Variants in SOX5 observed in about 807,000 individuals in gnomAD.
SOX5 encodes SRY-box transcription factor 5, also known as transcription factor SOX-5.
In SOX5, 9 loss-of-function variants were observed where a neutral mutation model predicts 92.0. The ratio of observed to expected loss-of-function variants is 0.10; its 90% CI spans 0.06 to 0.17. SOX5 has a LOEUF of 0.17. Among genes scored for constraint, SOX5 ranks in the 10% least tolerant of loss-of-function variants. SOX5 has a pLI of 1.00. For missense variants in SOX5, 642 were observed against 944.5 expected (o/e 0.68, Z 4.20); for synonymous variants, 344 against 336.3 (o/e 1.02, Z -0.25).
At chr12:24,021,754 T>C (rs1954318178) in intron 4 of SOX5, among the ~76,000 whole-genome samples, 1 of 152,166 alleles carries the variant, frequency 6.6e-6, no homozygotes, top group Non-Finnish European at 1.5e-5. Flanking sequence ...GTCAGAGAGA[T>C]GCTCATCATC....
intron 3 of SOX5, among the ~76,000 whole-genome samples, chr12:24,254,736 TA>T (rs60557497): frequency 6.6e-6 from 1 of 151,688 alleles, no homozygotes; most frequent in Non-Finnish European, 1.5e-5. Flanking sequence ...TATATATATA[TA>T]TTTCCTATGA....
chr12:24,296,785 A>G (rs1455393758), intron 2 of SOX5, among the ~76,000 whole-genome samples: 5 of 151,434 alleles, frequency 3.3e-5, no homozygotes, highest in Non-Finnish European at 5.9e-5. Flanking sequence ...GTTATCTAGA[A>G]AGCAAATCTG....
At chr12:24,243,555 A>G (rs1937921640) in intron 3 of SOX5, among the ~76,000 whole-genome samples, 1 of 152,194 alleles carries the variant, frequency 6.6e-6, no homozygotes, top group African/African-American at 2.4e-5. Context: ...TATTCTTTTC[A>G]TATAATCAGT....
intron 9 of SOX5, among the ~76,000 whole-genome samples, chr12:23,583,064 G>C (rs952189071): frequency 1.3e-5 from 2 of 151,932 alleles, no homozygotes; most frequent in Non-Finnish European, 2.9e-5. Flanking sequence ...GAATAGTTTG[G>C]CTTCTGAAAT....
chr12:24,455,498 A>G, intron 1 of SOX5, among the ~76,000 whole-genome samples: 1 of 152,246 alleles, frequency 6.6e-6, no homozygotes, highest in East Asian at 1.9e-4. Flanking sequence ...CAGCATAAAA[A>G]GTCTGTCCTT....
At chr12:24,467,858 G>T (rs912699932) in intron 1 of SOX5, among the ~76,000 whole-genome samples, 1 of 152,176 alleles carries the variant, frequency 6.6e-6, no homozygotes, top group Admixed American at 6.5e-5. Flanking sequence ...GCCATATGAA[G>T]CAACAGCATC....
chr12:23,800,346 C>T (rs971124416), intron 3 of SOX5, among the ~76,000 whole-genome samples: 2 of 151,996 alleles, frequency 1.3e-5, no homozygotes, highest in East Asian at 3.9e-4. Flanking sequence ...AAGGTTTGCA[C>T]AAAATTATGT....
intron 3 of SOX5, among the ~76,000 whole-genome samples, chr12:23,825,273 A>G (rs767866948): frequency 1.1e-4 from 16 of 152,174 alleles, no homozygotes; most frequent in Admixed American, 3.3e-4. Context: ...TGGGAAAAGC[A>G]TAGTATCTGG....
intron 2 of SOX5, among the ~76,000 whole-genome samples, chr12:24,330,894 A>G (rs1326797635): frequency 6.6e-6 from 1 of 152,238 alleles, no homozygotes; most frequent in East Asian, 1.9e-4. Context: ...TCAATGGACA[A>G]GAGATTTCAC....
chr12:23,648,975 C>T (rs546492268), intron 7 of SOX5, among the ~76,000 whole-genome samples: 19 of 151,990 alleles, frequency 1.3e-4, no homozygotes, highest in East Asian at 5.8e-4. Flanking sequence ...AATAGCGCTA[C>T]GCTATTTCAA....
At chr12:24,559,558 G>A (rs1954133863) in intron 1 of SOX5, among the ~76,000 whole-genome samples, 2 of 151,568 alleles carry the variant, frequency 1.3e-5, no homozygotes, top group South Asian at 4.2e-4. Flanking sequence ...CATACTGTAA[G>A]CATTAGATCA....
chr12:23,648,674 C>T (rs1427049175), intron 7 of SOX5, among the ~76,000 whole-genome samples: 1 of 152,064 alleles, frequency 6.6e-6, no homozygotes, highest in African/African-American at 2.4e-5. Context: ...TGCTGACACT[C>T]TGATCTCAGC....
chr12:23,964,959 A>C (rs1318118938), intron 4 of SOX5, among the ~76,000 whole-genome samples: 1 of 152,212 alleles, frequency 6.6e-6, no homozygotes, highest in Non-Finnish European at 1.5e-5. Flanking sequence ...GTAGGGGAGC[A>C]GACCTGGGCA....
At chr12:24,287,582 T>A (rs910064906) in intron 2 of SOX5, among the ~76,000 whole-genome samples, 7 of 140,110 alleles carry the variant, frequency 5.0e-5, no homozygotes, top group Non-Finnish European at 1.1e-4. Flanking sequence ...AAAACAGTGA[T>A]TCTCAAATCC....
intron 4 of SOX5, among the ~76,000 whole-genome samples, chr12:23,983,275 C>T (rs1318585257): frequency 2.6e-5 from 4 of 152,188 alleles, no homozygotes; most frequent in Non-Finnish European, 5.9e-5. Flanking sequence ...CACCTGCTTC[C>T]CTCTGAATGT....
intron 1 of SOX5, among the ~76,000 whole-genome samples, chr12:24,380,730 T>C (rs1957741491): frequency 1.3e-5 from 2 of 152,170 alleles, no homozygotes; most frequent in South Asian, 4.2e-4. Context: ...GAGTTCTTGA[T>C]ATATTTTTTT....
At chr12:23,929,255 G>A (rs971067541) in intron 1 of SOX5, among the ~76,000 whole-genome samples, 2 of 151,938 alleles carry the variant, frequency 1.3e-5, no homozygotes, top group Admixed American at 1.3e-4. Context: ...CTGAAAGTAT[G>A]TTACATTGTG....
intron 4 of SOX5, among the ~76,000 whole-genome samples, chr12:24,045,188 A>G (rs1054910293): frequency 4.6e-5 from 7 of 152,190 alleles, no homozygotes; most frequent in Admixed American, 2.6e-4. Flanking sequence ...ACCCCTGACT[A>G]GCCATGTGAC....
chr12:24,187,028 A>G (rs955555736), intron 4 of SOX5, among the ~76,000 whole-genome samples: 1 of 152,140 alleles, frequency 6.6e-6, no homozygotes, highest in Admixed American at 6.6e-5. Flanking sequence ...ACCACCAGGA[A>G]GAAGAAGAAG....
Sources: allele counts gnomAD v4.1 joint callset (sites outside exome capture counted in the v4.1 genomes callset), GRCh38; gene constraint gnomAD v4.1.1; transcripts MANE v1.5; gene names NCBI Gene and HGNC (gene_info 2026-07-23, HGNC 2026-07-21).